The following COPS5 variants were observed in gnomAD, a reference collection of about 807,000 sequenced individuals.
The protein encoded by COPS5 is COP9 signalosome complex subunit 5.
COPS5 carries 8 observed loss-of-function variants against 44.4 expected under a neutral mutation model. The observed-to-expected ratio is 0.18, with a 90% CI of 0.11 to 0.32. The LOEUF (loss-of-function observed/expected upper bound fraction) is 0.32. COPS5 is among the 10% of genes least tolerant of loss of function. COPS5 has a pLI of 1.00. For missense variants in COPS5, 159 were observed against 406.4 expected (o/e 0.39, Z 5.23); for synonymous variants, 122 against 142.8 (o/e 0.85, Z 1.04).
intron 6 of COPS5, 42 bp from the exon 7 acceptor site, chr8:67,046,002 T>C (rs1009001062): frequency 6.4e-7 from 1 of 1,563,888 alleles, no homozygotes; most frequent in Non-Finnish European, 8.7e-7. Context: ...AACACAAGTC[T>C]ACCATTTAAA....
chr8:67,043,411 A>T, intron 7 of COPS5, 94 bp from the exon 8 acceptor site: 1 of 704,278 alleles, frequency 1.4e-6, no homozygotes, highest in Middle Eastern at 3.1e-4. Flanking sequence ...AACTCCAATG[A>T]GTTTAGTTTT....
chr8:67,051,281 C>G lies in COPS5; in HGVS notation c.720G>C (p.Leu240=). The change falls in exon 6 of 8, where the codon CTG becomes CTC. Residue 240 remains leucine, a synonymous_variant. Coordinates refer to ENST00000357849, the MANE Select transcript of COPS5 (RefSeq NM_006837.3). The part of the protein sequence containing the change: ...KSSLDRKLLE[L]LWNKYWVNTL... The stretch of plus-strand genomic sequence containing the variant: ...TATTCACCCAGTATTTATTCCACAA[C>G]AGCTCAAGCAATTTGCGATCCAAAG... 1 of 1,612,704 alleles carries G rather than the reference C, an allele frequency of 6.2e-7. No homozygotes were observed.
At chr8:67,058,454 CAT>C (rs997397100) in intron 2 of COPS5, among the ~76,000 whole-genome samples, 14 of 152,120 alleles carry the variant, frequency 9.2e-5, no homozygotes, top group African/African-American at 3.1e-4. Context: ...TACCACATAA[CAT>C]AATAATGTTT....
intron 7 of COPS5, 155 bp from the exon 8 acceptor site, chr8:67,043,472 TTA>T (rs1472911515): frequency 3.8e-6 from 2 of 521,350 alleles, no homozygotes; most frequent in East Asian, 6.4e-5. Context: ...TGTGATTTTA[TTA>T]GTCTTCCCCA....
chr8:67,051,973 A>T (rs1172510191), intron 5 of COPS5, among the ~76,000 whole-genome samples: 4 of 152,192 alleles, frequency 2.6e-5, no homozygotes, highest in African/African-American at 9.7e-5. Flanking sequence ...CAGTGGATAT[A>T]AAAAAGCATG....
chr8:67,054,559 A>C (rs1176149629), intron 5 of COPS5, among the ~76,000 whole-genome samples: 1 of 152,226 alleles, frequency 6.6e-6, no homozygotes, highest in Admixed American at 6.5e-5. Context: ...ATAAAAAAAC[A>C]GGAACCAAAA....
In COPS5 at chr8:67,062,078, C is replaced by T. The variant is rs763335511; in HGVS notation, c.-82G>A. 5.3e-5 allele frequency: 85 copies of T among 1,602,436 alleles called. No individual in the cohort carries two copies. The highest frequency in any genetic ancestry group is 7.0e-5 in the Non-Finnish European group (82 of 1,175,984). On this transcript the variant is annotated 5_prime_UTR_variant, in exon 1 of 8. Transcript: ENST00000357849. ...TAGGTTTCCGGGTGTGGGCCTTGAC[C>T]CTCCGCACCACGGGAACAAACTCTT...
chr8:67,051,203 T>C (rs775481203), intron 6 of COPS5, 27 bp downstream of exon 6: 52 of 1,322,068 alleles, frequency 3.9e-5, no homozygotes, highest in Non-Finnish European at 5.5e-5. Flanking sequence ...AAAATTCAAA[T>C]GCATTCTTTA....
At chr8:67,057,353 C>T in intron 4 of COPS5, 27 bp downstream of exon 4, 1 of 1,520,628 alleles carries the variant, frequency 6.6e-7, no homozygotes, top group East Asian at 2.3e-5. Flanking sequence ...CAGTGAGACT[C>T]TAACTCTTAA....
chr8:67,046,077 T>G, intron 6 of COPS5, 117 bp from the exon 7 acceptor site: 1 of 1,044,872 alleles, frequency 9.6e-7, no homozygotes, highest in Non-Finnish European at 1.4e-6. Context: ...AGAATTCCAC[T>G]GTAAAATCTG....
At chr8:67,059,939 T>C (rs953261753) in intron 1 of COPS5, 6 of 167,454 alleles carry the variant, frequency 3.6e-5, no homozygotes, top group African/African-American at 1.4e-4. Flanking sequence ...TTTCTGTAAA[T>C]AGGGATATTC....
chr8:67,045,977 AT>A lies in COPS5; in HGVS notation c.772-18del, dbSNP rs57717433. 4,599 of 1,609,140 alleles carry A rather than the reference AT, an allele frequency of 2.9e-3. 113 individuals are homozygous for A. In the African/African-American group the frequency reaches 0.052, roughly 18 times the overall value. Reference sequence around the variant, plus strand: ...GTCTGCATTCTGTGGGGAAAGTGGTATTGTGTCACTGCAAAACACAAGTCTA... The same window carrying A: ...GTCTGCATTCTGTGGGGAAAGTGGTATGTGTCACTGCAAAACACAAGTCTA... On this transcript the variant is annotated intron_variant, in intron 6 of 7. Coordinates refer to ENST00000357849, the MANE Select transcript of COPS5 (RefSeq NM_006837.3).
chr8:67,046,013 A>T, intron 6 of COPS5, 53 bp from the exon 7 acceptor site: 1 of 1,516,974 alleles, frequency 6.6e-7, no homozygotes, highest in African/African-American at 1.4e-5. Context: ...ACCATTTAAA[A>T]ATCTGTATAT....
At chr8:67,060,576 G>T in intron 1 of COPS5, 3 of 1,113,080 alleles carry the variant, frequency 2.7e-6, no homozygotes, top group Non-Finnish European at 3.6e-6. Flanking sequence ...AAGTTACTGT[G>T]CTCCTATTAC....
chr8:67,062,052 C>T lies in COPS5; in HGVS notation c.-56G>A. 6.2e-7 allele frequency: 1 copy of T among 1,612,578 alleles called. No individual in the cohort carries two copies. The highest frequency in any genetic ancestry group is 8.5e-7 in the Non-Finnish European group (1 of 1,179,652). Reference sequence around the variant, plus strand: ...ACAACCAAGACGCAACTTTACCTCGCTAGGTTTCCGGGTGTGGGCCTTGAC... The same window carrying T: ...ACAACCAAGACGCAACTTTACCTCGTTAGGTTTCCGGGTGTGGGCCTTGAC... On this transcript the variant is annotated 5_prime_UTR_variant, in exon 1 of 8. Transcript: ENST00000357849.
intron 4 of COPS5, among the ~76,000 whole-genome samples, chr8:67,057,178 A>G (rs1804526115): frequency 6.6e-6 from 1 of 152,188 alleles, no homozygotes; most frequent in Non-Finnish European, 1.5e-5. Context: ...TAAGTCAAAT[A>G]TTTGGAATTT....
chr8:67,045,969 A>G lies in COPS5; in HGVS notation c.772-9T>C, dbSNP rs1816695060. 6.2e-7 allele frequency: 1 copy of G among 1,612,678 alleles called. No individual in the cohort carries two copies. Among genetic ancestry groups the G allele is most frequent in the Non-Finnish European group, 8.5e-7 (1 of 1,179,328 alleles). ...GTGGTATAGTCTGCATTCTGTGGGG[A>G]AAGTGGTATTGTGTCACTGCAAAAC... On this transcript the variant is annotated splice_polypyrimidine_tract_variant and intron_variant, in intron 6 of 7. Transcript: ENST00000357849.
Position 67,043,132 on chromosome 8 carries a change from C to T in COPS5, c.*101G>A. 1 of 649,540 alleles carries T rather than the reference C, an allele frequency of 1.5e-6. No homozygotes were observed. Among genetic ancestry groups the T allele is most frequent in the Non-Finnish European group, 2.7e-6 (1 of 368,768 alleles). 40.2% of individuals were successfully genotyped at this position (649,540 alleles called of 1,614,324 possible). A position where few individuals can be genotyped will look rare whatever the true frequency, so the allele number is the denominator to read the frequency against. Reference sequence around the variant, plus strand: ...TATTAATATTTAGGACACTTCAGAGCACCTTATACTTCTAATCAGATTTTG... The same window carrying T: ...TATTAATATTTAGGACACTTCAGAGTACCTTATACTTCTAATCAGATTTTG... On this transcript the variant is annotated 3_prime_UTR_variant, in exon 8 of 8. Transcript: ENST00000357849.
intron 1 of COPS5, chr8:67,060,995 C>T (rs1346539386): frequency 1.2e-5 from 2 of 161,590 alleles, no homozygotes; most frequent in Non-Finnish European, 2.7e-5. Context: ...CTCTTGTTGA[C>T]CACAGCTTTC....
Sources: allele counts gnomAD v4.1 joint callset (sites outside exome capture counted in the v4.1 genomes callset), GRCh38; gene constraint gnomAD v4.1.1; transcripts MANE v1.5; gene names NCBI Gene and HGNC (gene_info 2026-07-23, HGNC 2026-07-21).